The following ADAMTS3 variants were observed in gnomAD, a reference collection of about 807,000 sequenced individuals.
ADAMTS3 encodes the protein A disintegrin and metalloproteinase with thrombospondin motifs 3.
A neutral mutation model predicts 129.0 loss-of-function variants in ADAMTS3; 73 were observed. The observed-to-expected ratio is 0.57, with a 90% CI of 0.47 to 0.69. ADAMTS3 has a LOEUF of 0.69. ADAMTS3 is among the 30% of genes least tolerant of loss of function. The pLI is 0.00. For missense variants in ADAMTS3, 1,457 were observed against 1,514.5 expected (o/e 0.96, Z 0.63); for synonymous variants, 477 against 510.8 (o/e 0.93, Z 0.89).
chr4:72,543,619 A>T (rs959549129), intron 3 of ADAMTS3, among the ~76,000 whole-genome samples: 1 of 152,184 alleles, frequency 6.6e-6, no homozygotes, highest in African/African-American at 2.4e-5. Context: ...AGTCCCAAAA[A>T]TGAAAAATAC....
chr4:72,454,438 A>T (rs529743622), intron 3 of ADAMTS3, among the ~76,000 whole-genome samples: 1 of 151,746 alleles, frequency 6.6e-6, no homozygotes, highest in African/African-American at 2.4e-5. Flanking sequence ...AACTGCTGAA[A>T]AGTGGTTTGT....
chr4:72,376,629 G>A (rs991044620), intron 4 of ADAMTS3, among the ~76,000 whole-genome samples: 1 of 152,102 alleles, frequency 6.6e-6, no homozygotes, highest in African/African-American at 2.4e-5. Flanking sequence ...ATAAGCCTTT[G>A]TTGGGGCCTA....
intron 12 of ADAMTS3, among the ~76,000 whole-genome samples, chr4:72,312,896 G>A (rs776875294): frequency 1.3e-5 from 2 of 152,126 alleles, no homozygotes; most frequent in African/African-American, 2.4e-5. Context: ...AAGATTAAAT[G>A]AGTTGACATT....
chr4:72,567,353 A>C, intron 2 of ADAMTS3, 21 bp downstream of exon 2: 1 of 1,611,916 alleles, frequency 6.2e-7, no homozygotes. Flanking sequence ...GATAAGAGTG[A>C]CATCTGAGAA....
At chr4:72,469,174 C>T (rs1401599278) in intron 3 of ADAMTS3, among the ~76,000 whole-genome samples, 5 of 152,220 alleles carry the variant, frequency 3.3e-5, no homozygotes, top group Admixed American at 1.3e-4. Flanking sequence ...CCTGACTATA[C>T]ACGTGTATAT....
At chr4:72,389,454 C>T (rs1721528090) in intron 4 of ADAMTS3, among the ~76,000 whole-genome samples, 1 of 150,584 alleles carries the variant, frequency 6.6e-6, no homozygotes, top group Non-Finnish European at 1.5e-5. Context: ...GTATGATATA[C>T]ACATGTCTAT....
intron 3 of ADAMTS3, among the ~76,000 whole-genome samples, chr4:72,427,970 GT>G (rs1722611895): frequency 6.6e-6 from 1 of 151,988 alleles, no homozygotes; most frequent in African/African-American, 2.4e-5. Flanking sequence ...AGAAAATGAA[GT>G]TTAAAAAAAT....
intron 3 of ADAMTS3, among the ~76,000 whole-genome samples, chr4:72,512,361 A>T (rs1416877446): frequency 3.9e-5 from 6 of 151,994 alleles, no homozygotes; most frequent in African/African-American, 7.2e-5. Context: ...GGATGGTGGC[A>T]TGTGCCTGTA....
intron 5 of ADAMTS3, among the ~76,000 whole-genome samples, chr4:72,333,622 C>T (rs1423905937): frequency 1.3e-5 from 2 of 151,996 alleles, no homozygotes; most frequent in African/African-American, 4.8e-5. Flanking sequence ...GTACTTAATA[C>T]TGCATTTAAG....
chr4:72,547,215 C>G (rs765690357), intron 3 of ADAMTS3, among the ~76,000 whole-genome samples: 2 of 152,074 alleles, frequency 1.3e-5, no homozygotes, highest in Non-Finnish European at 2.9e-5. Context: ...TTAGGGCAGA[C>G]TAGAGCAAGG....
At position 72,489,647 on chromosome 4, in the gene ADAMTS3, C is replaced by T. The variant is rs185189289; in HGVS notation, c.504+58831G>A. On this transcript the variant is annotated intron_variant, in intron 3 of 21. Coordinates refer to ENST00000286657, the MANE Select transcript of ADAMTS3 (RefSeq NM_014243.3). ...ACATCTCAATGGCTACGGCATTCAC[C>T]TCACTTCATTTCATCACATAGGCAT... 8.2e-4 allele frequency among the ~76,000 whole-genome samples: 124 copies of T among 152,044 alleles called. 1 individual carries two copies. Among genetic ancestry groups the T allele is most frequent in the African/African-American group, 2.7e-3 (113 of 41,524 alleles).
chr4:72,375,405 C>A (rs1721111400), intron 4 of ADAMTS3, among the ~76,000 whole-genome samples: 1 of 152,188 alleles, frequency 6.6e-6, no homozygotes, highest in Admixed American at 6.6e-5. Flanking sequence ...ATGAGTAAAA[C>A]AGGCTCCTGG....
intron 3 of ADAMTS3, among the ~76,000 whole-genome samples, chr4:72,484,908 C>T (rs1719539208): frequency 6.6e-6 from 1 of 152,116 alleles, no homozygotes; most frequent in South Asian, 2.1e-4. Flanking sequence ...AATCATGTAT[C>T]CTTGTTTTTC....
At chr4:72,298,148 TG>T in intron 18 of ADAMTS3, 128 bp downstream of exon 18, 1 of 665,920 alleles carries the variant, frequency 1.5e-6, no homozygotes, top group South Asian at 2.6e-5. Flanking sequence ...TGTTTTGTAT[TG>T]ATGTTTTGAT....
chr4:72,396,835 T>C (rs1721737920), intron 4 of ADAMTS3, among the ~76,000 whole-genome samples: 1 of 152,220 alleles, frequency 6.6e-6, no homozygotes, highest in Non-Finnish European at 1.5e-5. Flanking sequence ...AGAGATTAGG[T>C]AGGAGTCAGG....
At chr4:72,445,516 T>C (rs1718227517) in intron 3 of ADAMTS3, among the ~76,000 whole-genome samples, 1 of 151,596 alleles carries the variant, frequency 6.6e-6, no homozygotes, top group African/African-American at 2.4e-5. Context: ...AAGAGTAAAA[T>C]AGAAGGAACT....
chr4:72,343,164 C>T (rs1720183839), intron 4 of ADAMTS3, among the ~76,000 whole-genome samples: 1 of 152,062 alleles, frequency 6.6e-6, no homozygotes, highest in South Asian at 2.1e-4. Flanking sequence ...GGCCATCCCA[C>T]CCTAATCTTA....
chr4:72,458,374 A>G (rs531891538), intron 3 of ADAMTS3, among the ~76,000 whole-genome samples: 2 of 151,558 alleles, frequency 1.3e-5, no homozygotes, highest in Non-Finnish European at 3.0e-5. Flanking sequence ...AAAAAAGTCC[A>G]TGTCATCATT....
intron 3 of ADAMTS3, among the ~76,000 whole-genome samples, chr4:72,522,911 CAAGT>C (rs1338647668): frequency 3.9e-5 from 6 of 152,054 alleles, no homozygotes; most frequent in African/African-American, 7.2e-5. Context: ...TTAACACGAG[CAAGT>C]GTTTAACAGT....
Sources: allele counts gnomAD v4.1 joint callset (sites outside exome capture counted in the v4.1 genomes callset), GRCh38; gene constraint gnomAD v4.1.1; transcripts MANE v1.5; gene names NCBI Gene and HGNC (gene_info 2026-07-23, HGNC 2026-07-21).